The following SLC39A11 variants were observed in gnomAD, a reference collection of about 807,000 sequenced individuals.
SLC39A11 encodes solute carrier family 39 member 11.
A neutral mutation model predicts 36.1 loss-of-function variants in SLC39A11; 33 were observed. That is an observed-to-expected ratio of 0.91 (90% confidence interval 0.69 to 1.22). SLC39A11 has a LOEUF of 1.22. Ranked by LOEUF, SLC39A11 falls within the 50% of genes most tolerant of loss-of-function variation. The probability of loss-of-function intolerance (pLI) is 0.00; values close to 1 mark genes in which losing one functional copy is unlikely to be tolerated. For synonymous variants in SLC39A11, 166 were observed against 170.3 expected, an observed-to-expected ratio of 0.97 and a Z score of 0.20; for missense variants, 432 against 430.3, an observed-to-expected ratio of 1.00 and a Z score of -0.03.
At chr17:72,713,804 C>T (rs867037749) in intron 7 of SLC39A11, among the ~76,000 whole-genome samples, 44 of 152,312 alleles carry the variant, frequency 2.9e-4, no homozygotes, top group Admixed American at 4.6e-4. Flanking sequence ...TATAACTTCT[C>T]TCATTCCAGG....
intron 6 of SLC39A11, among the ~76,000 whole-genome samples, chr17:72,757,193 T>G (rs935850267): frequency 2.0e-5 from 3 of 151,380 alleles, no homozygotes; most frequent in Admixed American, 6.6e-5. Context: ...TAAAATAAAA[T>G]AAAATAAAAA....
chr17:72,946,370 T>C (rs1446157853), intron 5 of SLC39A11, among the ~76,000 whole-genome samples: 1 of 152,210 alleles, frequency 6.6e-6, no homozygotes, highest in Admixed American at 6.5e-5. Flanking sequence ...GACATTTGAG[T>C]TCTCCATGAA....
intron 5 of SLC39A11, among the ~76,000 whole-genome samples, chr17:72,922,954 C>A (rs1207133054): frequency 1.0e-5 from 1 of 98,720 alleles, no homozygotes; most frequent in African/African-American, 4.4e-5. Context: ...GAGTGGGACT[C>A]CTTCTCAAAA....
At chr17:72,904,902 A>C (rs573429821) in intron 5 of SLC39A11, among the ~76,000 whole-genome samples, 150 of 152,240 alleles carry the variant, frequency 9.9e-4, no homozygotes, top group African/African-American at 3.6e-3. Context: ...GGCTGGGCAC[A>C]GTGGCTCACG....
At chr17:72,711,018 G>A (rs138014112) in intron 7 of SLC39A11, among the ~76,000 whole-genome samples, 42 of 152,170 alleles carry the variant, frequency 2.8e-4, no homozygotes, top group Middle Eastern at 6.8e-3. Flanking sequence ...TTGCTCTTGC[G>A]ACAGAATTGC....
At chr17:72,947,215 G>A (rs948237659) in intron 5 of SLC39A11, among the ~76,000 whole-genome samples, 5 of 151,874 alleles carry the variant, frequency 3.3e-5, no homozygotes, top group South Asian at 4.2e-4. Context: ...TTGAGAAGTC[G>A]AGGCAGGAGA....
chr17:72,717,423 G>C (rs546519879), intron 7 of SLC39A11, among the ~76,000 whole-genome samples: 1 of 152,200 alleles, frequency 6.6e-6, no homozygotes, highest in East Asian at 1.9e-4. Context: ...CCCCCTGAAG[G>C]CTCTAGGGGA....
intron 7 of SLC39A11, among the ~76,000 whole-genome samples, chr17:72,732,007 CCTTTTCTTTTCTTTATTTTTTT>C (rs2074238710): frequency 1.5e-5 from 2 of 134,848 alleles, no homozygotes; most frequent in Admixed American, 7.6e-5. Context: ...GATTACAGGC[CCTTTTCTTTTCTTTATTTTTTT>C]CTTTTCTTTT....
intron 3 of SLC39A11, among the ~76,000 whole-genome samples, chr17:73,074,347 G>C (rs1029890534): frequency 2.1e-5 from 3 of 140,010 alleles, no homozygotes; most frequent in Non-Finnish European, 4.5e-5. Flanking sequence ...ACCCAGGCTG[G>C]AGTGCAGTGG....
chr17:72,747,867 T>C (rs1197984715), intron 6 of SLC39A11, among the ~76,000 whole-genome samples: 1 of 152,254 alleles, frequency 6.6e-6, no homozygotes, highest in Non-Finnish European at 1.5e-5. Context: ...TGTTAGAGGC[T>C]GTATAAAGGA....
intron 7 of SLC39A11, among the ~76,000 whole-genome samples, chr17:72,721,087 C>CTTTTTT (rs56090007): frequency 8.7e-5 from 11 of 126,530 alleles, no homozygotes; most frequent in African/African-American, 1.2e-4. Context: ...TGTCCCTCGC[C>CTTTTTT]TTTTTTTTTT....
At chr17:72,876,426 G>T (rs2080898967) in intron 5 of SLC39A11, among the ~76,000 whole-genome samples, 1 of 152,008 alleles carries the variant, frequency 6.6e-6, no homozygotes, top group African/African-American at 2.4e-5. Flanking sequence ...CACAATCACA[G>T]GAACTTATGA....
chr17:72,796,610 C>T (rs189582469), intron 6 of SLC39A11, among the ~76,000 whole-genome samples: 1 of 152,112 alleles, frequency 6.6e-6, no homozygotes, highest in Admixed American at 6.5e-5. Flanking sequence ...GCAGAAAGCA[C>T]GTTTCAACAG....
In SLC39A11 at chr17:72,648,379, A is replaced by C. The variant is rs1250914815; in HGVS notation, c.929+424T>G. Among the ~76,000 whole-genome samples the C allele has an allele frequency of 2.6e-5, 4 of 151,678 alleles. No individual in the cohort carries two copies. The East Asian group carries it at 7.7e-4, about 29-fold the overall frequency. ...CAAAACAAAACAAAACAACAACAAA[A>C]TGGAACAAAGCAAACCCTTACTCCC... On this transcript the variant is annotated intron_variant, in intron 9 of 9. Coordinates refer to ENST00000255559, the MANE Select transcript of SLC39A11 (RefSeq NM_139177.4).
chr17:72,748,304 A>G (rs1420324624), intron 6 of SLC39A11, among the ~76,000 whole-genome samples: 1 of 135,530 alleles, frequency 7.4e-6, no homozygotes, highest in Admixed American at 7.6e-5. Context: ...CCTGGGCAAT[A>G]GAGGGAGACT....
intron 4 of SLC39A11, among the ~76,000 whole-genome samples, chr17:72,975,256 T>G (rs557463617): frequency 3.9e-5 from 6 of 152,056 alleles, no homozygotes; most frequent in Non-Finnish European, 7.4e-5. Flanking sequence ...CTGACCAACA[T>G]GGTGAAACCC....
chr17:72,884,675 A>T (rs956276973), intron 5 of SLC39A11, among the ~76,000 whole-genome samples: 3 of 152,268 alleles, frequency 2.0e-5, no homozygotes, highest in African/African-American at 7.2e-5. Flanking sequence ...CTTGAACATT[A>T]GAGTTTAATA....
intron 4 of SLC39A11, among the ~76,000 whole-genome samples, chr17:73,026,222 A>AAGAGAAGAGAAGAGG (rs1490678629): frequency 6.6e-6 from 1 of 151,360 alleles, no homozygotes; most frequent in South Asian, 2.1e-4. Context: ...AAGAGAAGAG[A>AAGAGAAGAGAAGAGG]AGAGAAGAGA....
chr17:72,826,142 G>C (rs2078019736), intron 6 of SLC39A11, among the ~76,000 whole-genome samples: 1 of 152,194 alleles, frequency 6.6e-6, no homozygotes, highest in African/African-American at 2.4e-5. Flanking sequence ...CTGGTGAGAG[G>C]TGACTGGATC....
Sources: allele counts gnomAD v4.1 joint callset (sites outside exome capture counted in the v4.1 genomes callset), GRCh38; gene constraint gnomAD v4.1.1; transcripts MANE v1.5; gene names NCBI Gene and HGNC (gene_info 2026-07-23, HGNC 2026-07-21).